CACNA1D: variants seen among roughly 807,000 people sequenced by gnomAD.
The protein encoded by CACNA1D is voltage-dependent L-type calcium channel subunit alpha-1D.
A neutral mutation model predicts 257.1 loss-of-function variants in CACNA1D; 55 were observed. The observed-to-expected ratio is 0.21, with a 90% CI of 0.17 to 0.27. The LOEUF is 0.27. CACNA1D is among the 10% of genes least tolerant of loss of function. CACNA1D has a pLI of 1.00. For synonymous variants in CACNA1D, 980 were observed against 1,014.9 expected (o/e 0.97, Z 0.65); for missense variants, 1,876 against 2,784.0 (o/e 0.67, Z 7.34).
intron 9 of CACNA1D, among the ~76,000 whole-genome samples, chr3:53,706,214 G>A (rs1282541918): frequency 2.0e-5 from 3 of 152,232 alleles, no homozygotes; most frequent in Non-Finnish European, 4.4e-5. Flanking sequence ...GAGTTGAGCA[G>A]TTTCCTCCCA....
intron 9 of CACNA1D, 56 bp from the exon 10 acceptor site, chr3:53,718,245 C>T: frequency 6.7e-7 from 1 of 1,502,318 alleles, no homozygotes; most frequent in East Asian, 2.3e-5. Flanking sequence ...CCTGGCCTGC[C>T]TCCCAGGCGT....
intron 3 of CACNA1D, among the ~76,000 whole-genome samples, chr3:53,534,930 C>T (rs1002100356): frequency 7.2e-5 from 11 of 152,186 alleles, no homozygotes; most frequent in African/African-American, 2.7e-4. Flanking sequence ...CTCCTTGTCT[C>T]TCTTTCTGTC....
chr3:53,628,827 A>G (rs557365190), intron 3 of CACNA1D, among the ~76,000 whole-genome samples: 2 of 152,348 alleles, frequency 1.3e-5, no homozygotes, highest in South Asian at 2.1e-4. Context: ...TGTGTTTGCA[A>G]AGATTTTTGC....
At chr3:53,689,630 A>T (rs1044868548) in intron 8 of CACNA1D, among the ~76,000 whole-genome samples, 3 of 152,052 alleles carry the variant, frequency 2.0e-5, no homozygotes, top group African/African-American at 7.2e-5. Flanking sequence ...TGTGGATTGT[A>T]TGAGAGAATT....
intron 7 of CACNA1D, among the ~76,000 whole-genome samples, chr3:53,669,479 G>A (rs2094302073): frequency 1.3e-5 from 2 of 152,228 alleles, no homozygotes; most frequent in African/African-American, 4.8e-5. Flanking sequence ...TTGACTACAA[G>A]CACATTTCTG....
At position 53,673,595 on chromosome 3, in the gene CACNA1D, A is replaced by G. The variant is rs2094346378; in HGVS notation, c.1220+469A>G. ...AAAAAAAAGGGAAGGACCTAGGCCC[A>G]GTCCCTGTCCTAGGAGCACTAACCT... is the stretch of plus-strand genomic sequence containing the variant. On this transcript the variant is annotated intron_variant, in intron 8 of 47. Transcript: ENST00000350061. This position sits in a 1 kb window ranked among gnomAD's most constrained non-coding sequence, Gnocchi z 4.1. 1 of 786,902 alleles carries G rather than the reference A, an allele frequency of 1.3e-6. No homozygotes were observed. Among genetic ancestry groups the G allele is most frequent in the East Asian group, 2.5e-5 (1 of 39,886 alleles). 48.7% of individuals were successfully genotyped at this position (786,902 alleles called of 1,614,324 possible).
intron 3 of CACNA1D, among the ~76,000 whole-genome samples, chr3:53,638,988 G>A (rs150796651): frequency 1.2e-4 from 18 of 152,320 alleles, no homozygotes; most frequent in Non-Finnish European, 2.4e-4. Context: ...GGCAGGCATG[G>A]GACCAGGGTG....
intron 3 of CACNA1D, among the ~76,000 whole-genome samples, chr3:53,627,725 T>C (rs2093776070): frequency 6.6e-6 from 1 of 151,844 alleles, no homozygotes; most frequent in African/African-American, 2.4e-5. Context: ...GAAAATGAGG[T>C]ATTCAGGCCG....
At chr3:53,592,490 G>C (rs1303290750) in intron 3 of CACNA1D, among the ~76,000 whole-genome samples, 6 of 152,166 alleles carry the variant, frequency 3.9e-5, no homozygotes, top group Non-Finnish European at 8.8e-5. Context: ...GCTGTTTGAA[G>C]GTTTTTGGGA....
chr3:53,730,605 C>A, intron 16 of CACNA1D, 49 bp downstream of exon 16: 1 of 1,370,686 alleles, frequency 7.3e-7, no homozygotes, highest in Non-Finnish European at 1.0e-6. Flanking sequence ...GTGTTGGGAG[C>A]CCTGCAACAG....
At chr3:53,806,777 T>G (rs1293810497) in intron 45 of CACNA1D, among the ~76,000 whole-genome samples, 1 of 152,128 alleles carries the variant, frequency 6.6e-6, no homozygotes, top group African/African-American at 2.4e-5. Context: ...TGGTTAATAT[T>G]TAATTCCTCA....
chr3:53,702,293 C>T (rs1003798030), intron 8 of CACNA1D, among the ~76,000 whole-genome samples: 2 of 152,208 alleles, frequency 1.3e-5, no homozygotes, highest in African/African-American at 2.4e-5. Context: ...GAAAGTGGGG[C>T]GTCTCTGAGT....
intron 8 of CACNA1D, among the ~76,000 whole-genome samples, chr3:53,685,740 TTGAAAC>T (rs1259190288): frequency 1.3e-5 from 2 of 152,086 alleles, no homozygotes; most frequent in African/African-American, 4.8e-5. Flanking sequence ...AGAAAATACT[TTGAAAC>T]TGATAAAATC....
At position 53,811,260 on chromosome 3, in the gene CACNA1D, C is replaced by T. The variant is rs768481685; in HGVS notation, c.6340C>T (p.Arg2114Ter). 3.1e-6 allele frequency: 5 copies of T among 1,613,788 alleles called. No individual in the cohort carries two copies. Among genetic ancestry groups the T allele is most frequent in the Admixed American group, 1.7e-5 (1 of 60,000 alleles). Residue 2114 changes from arginine to a stop codon, truncating the protein, a stop_gained, in exon 48 of 48, where the codon CGA (arginine) becomes TGA (stop). Transcript: ENST00000350061. LOFTEE classifies it high-confidence loss of function. The surrounding 1 kb of genome is among the most constrained non-coding windows in gnomAD (Gnocchi z 4.2). ...CCTGCTTAATGGGAACGTGCGTCCCCGAGCCAACGGGGATGTGGGCCCCCT... is the reference window on the plus strand; with the variant it reads ...CCTGCTTAATGGGAACGTGCGTCCCTGAGCCAACGGGGATGTGGGCCCCCT... ...STLLNGNVRP[R>*]ANGDVGPLSH...
At position 53,731,151 on chromosome 3, in the gene CACNA1D, G is replaced by A. The variant is rs193270389; in HGVS notation, c.2406+5G>A. The A allele has an allele frequency of 9.9e-5, 157 of 1,593,266 alleles. 1 individual carries two copies. In the East Asian group the frequency reaches 2.7e-3, roughly 28 times the overall value. ...ATAGCCAACAGTGACAACAAGGTAT[G>A]TATTCTAAGATGCTTCTCCCCTTTT... On this transcript the variant is annotated splice_donor_5th_base_variant and intron_variant, in intron 17 of 47. Transcript: ENST00000350061.
intron 30 of CACNA1D, among the ~76,000 whole-genome samples, chr3:53,767,963 T>A (rs2095343891): frequency 6.6e-6 from 1 of 152,242 alleles, no homozygotes; most frequent in Non-Finnish European, 1.5e-5. Context: ...CATGTTGTGC[T>A]GCCCTCTCCC....
chr3:53,650,526 G>T (rs1167324017), intron 3 of CACNA1D, among the ~76,000 whole-genome samples: 1 of 152,248 alleles, frequency 6.6e-6, no homozygotes, highest in African/African-American at 2.4e-5. Context: ...TGGGGCAGTT[G>T]GCAAAATGCA....
chr3:53,540,405 C>A (rs996613119), intron 3 of CACNA1D, among the ~76,000 whole-genome samples: 1 of 151,844 alleles, frequency 6.6e-6, no homozygotes, highest in Non-Finnish European at 1.5e-5. Context: ...GGATTACAGG[C>A]GTGAGCCACC....
At chr3:53,684,240 C>A (rs1174247572) in intron 8 of CACNA1D, among the ~76,000 whole-genome samples, 3 of 152,134 alleles carry the variant, frequency 2.0e-5, no homozygotes, top group African/African-American at 4.8e-5. Context: ...TGGTCACCAA[C>A]AAATTTGCAC....
Sources: allele counts gnomAD v4.1 joint callset (sites outside exome capture counted in the v4.1 genomes callset), GRCh38; gene constraint gnomAD v4.1.1; non-coding constraint Gnocchi (gnomAD v3.1); transcripts MANE v1.5; gene names NCBI Gene and HGNC (gene_info 2026-07-23, HGNC 2026-07-21).